YY1: variants seen among roughly 807,000 people sequenced by gnomAD.
YY1 encodes transcriptional repressor protein YY1.
Under a neutral mutation model 35.6 loss-of-function variants are expected in YY1, and 2 were observed. The ratio of observed to expected loss-of-function variants is 0.06; its 90% confidence interval spans 0.02 to 0.18. The LOEUF is 0.18. YY1 is among the 10% of genes least tolerant of loss of function. The probability of loss-of-function intolerance (pLI) is 1.00; values close to 1 mark genes in which losing one functional copy is unlikely to be tolerated. For missense variants in YY1, 322 were observed against 573.4 expected, an observed-to-expected ratio of 0.56 and a Z score of 4.48; for synonymous variants, 268 against 238.9, an observed-to-expected ratio of 1.12 and a Z score of -1.12.
chr14:100,244,274 A>G (rs1890795760), intron 1 of YY1, among the ~76,000 whole-genome samples: 1 of 148,702 alleles, frequency 6.7e-6, no homozygotes, highest in Non-Finnish European at 1.5e-5. Flanking sequence ...TAGTAGTTTT[A>G]GGCCTTATAG....
At chr14:100,269,206 G>A (rs1297737282) in intron 2 of YY1, among the ~76,000 whole-genome samples, 1 of 152,174 alleles carries the variant, frequency 6.6e-6, no homozygotes, top group Non-Finnish European at 1.5e-5. Context: ...GGTTAAGAAT[G>A]AACTCATTTT....
chr14:100,254,777 T>TTA lies in YY1; in HGVS notation c.680-7526_680-7525insAT, dbSNP rs201651386. On this transcript the variant is annotated intron_variant, in intron 1 of 4. Transcript: ENST00000262238. The stretch of plus-strand genomic sequence containing the variant: ...TAGCCTATTTTATTTATTTATTTAT[T>TTA]TTTTTTTTTTTTTGAGTCGAAGTCT... Among the ~76,000 whole-genome samples, 1,162 of 136,944 alleles carry TTA rather than the reference T, an allele frequency of 8.5e-3. 7 individuals are homozygous for TTA. The highest frequency in any genetic ancestry group is 0.029 in the African/African-American group (973 of 33,902). The allele number at this position is 136,944 out of a possible 152,430, so 89.8% of individuals were successfully genotyped here.
intron 1 of YY1, among the ~76,000 whole-genome samples, chr14:100,249,702 C>G (rs1352213141): frequency 8.0e-5 from 12 of 149,594 alleles, no homozygotes; most frequent in Non-Finnish European, 1.5e-5. Context: ...GCAGCATGGG[C>G]TTTTAGAGTC....
At chr14:100,261,754 G>C (rs1378514578) in intron 1 of YY1, among the ~76,000 whole-genome samples, 2 of 152,202 alleles carry the variant, frequency 1.3e-5, no homozygotes, top group Non-Finnish European at 2.9e-5. Context: ...AGGCTGGAGA[G>C]GTAGCAAGAG....
Position 100,239,433 on chromosome 14 carries a change from C to T in YY1, c.189C>T (p.Gly63=). 1 of 1,593,544 alleles carries T rather than the reference C, an allele frequency of 6.3e-7. No homozygotes were observed. Among genetic ancestry groups the T allele is most frequent in the South Asian group, 1.1e-5 (1 of 89,830 alleles). The change falls in exon 1 of 5, where the codon GGC becomes GGT. Residue 63 remains glycine, a synonymous_variant. Coordinates refer to ENST00000262238, the MANE Select transcript of YY1 (RefSeq NM_003403.5). ...GCGGTGGCGACCACGGCGGCGGGGG[C>T]GGCCACGGGCACGCCGGCCACCACC... is the stretch of plus-strand genomic sequence containing the variant. ...DGGGGDHGGG[G]GHGHAGHHHH... is the part of the protein sequence containing the mutation.
At position 100,239,849 on chromosome 14, in the gene YY1, A is replaced by C; in HGVS notation, c.605A>C (p.Asn202Thr). 1.3e-6 allele frequency: 2 copies of C among 1,511,528 alleles called. No individual in the cohort carries two copies. The highest frequency in any genetic ancestry group is 1.8e-6 in the Non-Finnish European group (2 of 1,135,326). 93.6% of individuals were successfully genotyped at this position (1,511,528 alleles called of 1,614,324 possible). Residue 202 changes from asparagine (N) to threonine (T), a missense_variant, in exon 1 of 5, where the codon AAC becomes ACC. Asn to Thr is a moderately conservative substitution (Grantham distance 65, BLOSUM62 0). Transcript: ENST00000262238. The stretch of plus-strand genomic sequence containing the variant: ...GGCGGCGGCGGCGCCGACCCGGGCA[A>C]CAAGAAGTGGGAGCAGAAGCAGGTG... ...AAGGGGADPG[N>T]KKWEQKQVQI...
intron 2 of YY1, among the ~76,000 whole-genome samples, chr14:100,272,425 A>G (rs1172795551): frequency 6.6e-6 from 1 of 152,044 alleles, no homozygotes; most frequent in Non-Finnish European, 1.5e-5. Context: ...TTCCTCATAT[A>G]CTCCTAGGGC....
chr14:100,245,506 A>G (rs976887798), intron 1 of YY1, among the ~76,000 whole-genome samples: 32 of 152,120 alleles, frequency 2.1e-4, no homozygotes, highest in African/African-American at 7.7e-4. Flanking sequence ...TTCACTATAT[A>G]TGATTAATAA....
intron 2 of YY1, among the ~76,000 whole-genome samples, chr14:100,263,257 T>G (rs577340164): frequency 6.6e-6 from 1 of 152,348 alleles, no homozygotes; most frequent in East Asian, 1.9e-4. Context: ...TCTATGCTGC[T>G]GGAGACCTGG....
In YY1 at chr14:100,245,228, G is replaced by A. The variant is rs28626688; in HGVS notation, c.679+5305G>A. ...TGGGATTACAGGCGTGAGCCACTGC[G>A]CCTGTCCTGTTTCTTCTGTATTTAA... On this transcript the variant is annotated intron_variant, in intron 1 of 4. Coordinates refer to ENST00000262238, the MANE Select transcript of YY1 (RefSeq NM_003403.5). 1.2e-4 allele frequency among the ~76,000 whole-genome samples: 18 copies of A among 152,312 alleles called. No individual in the cohort carries two copies. The East Asian group carries it at 2.1e-3, about 18-fold the overall frequency.
At chr14:100,260,186 C>T (rs1891060859) in intron 1 of YY1, among the ~76,000 whole-genome samples, 1 of 152,036 alleles carries the variant, frequency 6.6e-6, no homozygotes, top group South Asian at 2.1e-4. Flanking sequence ...AAGCAATTCT[C>T]TTGCCGCAGC....
At chr14:100,249,748 G>GTTTTTTTTTTTTTTTTT (rs57119106) in intron 1 of YY1, among the ~76,000 whole-genome samples, 1 of 141,032 alleles carries the variant, frequency 7.1e-6, no homozygotes, top group African/African-American at 2.7e-5. Flanking sequence ...GCTACTTACC[G>GTTTTTTTTTTTTTTTTT]TTTTTTTTTT....
chr14:100,248,611 T>C (rs947066265), intron 1 of YY1, among the ~76,000 whole-genome samples: 1 of 151,838 alleles, frequency 6.6e-6, no homozygotes, highest in Non-Finnish European at 1.5e-5. Flanking sequence ...CAAGCGGTTC[T>C]CTGGCCTTAG....
At chr14:100,240,120 G>T (rs1376972708) in intron 1 of YY1, among the ~76,000 whole-genome samples, 197 bp downstream of exon 1, 3 of 146,360 alleles carry the variant, frequency 2.0e-5, no homozygotes, top group African/African-American at 4.9e-5. Flanking sequence ...AGGCCGCGGG[G>T]GGGAGGGGCC....
chr14:100,255,040 A>G (rs1262601941), intron 1 of YY1, among the ~76,000 whole-genome samples: 1 of 120,836 alleles, frequency 8.3e-6, no homozygotes. Flanking sequence ...CTCGTGATCC[A>G]CCCACCTTGG....
intron 1 of YY1, among the ~76,000 whole-genome samples, chr14:100,259,519 C>CAA (rs576609164): frequency 1.6e-5 from 2 of 125,794 alleles, no homozygotes; most frequent in Admixed American, 8.1e-5. Context: ...GACTCCGTCT[C>CAA]AAAAAAAAAA....
rs766727266 is a variant in YY1, at chr14:100,239,495, T to C, written c.251T>C (p.Ile84Thr). The C allele has an allele frequency of 6.2e-7, 1 of 1,607,310 alleles. No individual in the cohort carries two copies. The highest frequency in any genetic ancestry group is 2.2e-5 in the East Asian group (1 of 44,550). The change falls in exon 1 of 5, where the codon ATC (isoleucine) becomes ACC (threonine). Residue 84 changes from isoleucine (I) to threonine (T), a missense_variant. By Grantham distance (89) the Ile-to-Thr change is moderately conservative. Coordinates refer to ENST00000262238, the MANE Select transcript of YY1 (RefSeq NM_003403.5). ...CACCACCACCACCACCCGCCCATGA[T>C]CGCTCTGCAGCCGCTGGTCACCGAC... ...HHHHHHHPPM[I>T]ALQPLVTDDP...
At chr14:100,248,223 C>T (rs1890864996) in intron 1 of YY1, among the ~76,000 whole-genome samples, 1 of 148,814 alleles carries the variant, frequency 6.7e-6, no homozygotes, top group Non-Finnish European at 1.5e-5. Flanking sequence ...TCATACCATT[C>T]TCCTGCCTCA....
intron 2 of YY1, among the ~76,000 whole-genome samples, chr14:100,268,588 A>G (rs1891188285): frequency 6.6e-6 from 1 of 152,232 alleles, no homozygotes. Context: ...CTTTCACAAT[A>G]TTAATGTATA....
Sources: allele counts gnomAD v4.1 joint callset (sites outside exome capture counted in the v4.1 genomes callset), GRCh38; gene constraint gnomAD v4.1.1; transcripts MANE v1.5; gene names NCBI Gene and HGNC (gene_info 2026-07-23, HGNC 2026-07-21).